The following RALY variants were observed in gnomAD, a reference collection of about 807,000 sequenced individuals.
RALY encodes RALY heterogeneous nuclear ribonucleoprotein, also known as RNA-binding protein Raly.
A neutral mutation model predicts 30.7 loss-of-function variants in RALY; 15 were observed. That is an observed-to-expected ratio of 0.49 (90% CI 0.33 to 0.75). RALY has a LOEUF of 0.75. RALY is among the 30% of genes least tolerant of loss of function. RALY has a pLI of 0.02. For synonymous variants in RALY, 177 were observed against 170.8 expected (o/e 1.04, Z -0.28); for missense variants, 339 against 414.3 (o/e 0.82, Z 1.58).
chr20:34,019,733 C>T (rs976524278), intron 1 of RALY, among the ~76,000 whole-genome samples: 1 of 152,180 alleles, frequency 6.6e-6, no homozygotes, highest in South Asian at 2.1e-4. Flanking sequence ...CATACACATA[C>T]AAATTATGTA....
intron 1 of RALY, among the ~76,000 whole-genome samples, chr20:34,027,838 C>G (rs777897863): frequency 2.0e-5 from 3 of 152,238 alleles, no homozygotes; most frequent in African/African-American, 4.8e-5. Context: ...TGCCCTTTTC[C>G]TCACCTGTTA....
chr20:34,032,063 A>G (rs538551474), intron 2 of RALY, among the ~76,000 whole-genome samples: 8 of 152,310 alleles, frequency 5.3e-5, no homozygotes, highest in Non-Finnish European at 8.8e-5. Context: ...CCCGGGTTCA[A>G]GCAATTCTCC....
At position 34,075,926 on chromosome 20, in the gene RALY, C is replaced by G. The variant is rs1165583958; in HGVS notation, c.430C>G (p.Pro144Ala). The G allele has an allele frequency of 6.2e-7, 1 of 1,614,168 alleles. No individual in the cohort carries two copies. Among genetic ancestry groups the G allele is most frequent in the African/African-American group, 1.3e-5 (1 of 75,050 alleles). Reference protein sequence around the residue: ...LSPVPVPRAVPVKRPRVTVPL... With the variant: ...LSPVPVPRAVAVKRPRVTVPL... ...GCCCGTGCCAGTGCCCAGGGCGGTC[C>G]CTGTGAAGCGACCCCGGGTCACAGT... Residue 144 changes from proline to alanine, a missense_variant, in exon 6 of 10, where the codon CCT (proline) becomes GCT (alanine). By Grantham distance (27) the Pro-to-Ala change is conservative (BLOSUM62 -1). Around this residue, in one of 2 missense-constraint regions of RALY, gnomAD observed 268 missense variants for 280.6 expected, o/e 0.95. Coordinates refer to ENST00000246194, the MANE Select transcript of RALY (RefSeq NM_016732.3).
chr20:34,063,932 T>C (rs1177183654), intron 2 of RALY, among the ~76,000 whole-genome samples: 7 of 152,022 alleles, frequency 4.6e-5, no homozygotes, highest in Admixed American at 4.6e-4. Context: ...GTGTGCCTTG[T>C]GGCCATGGTA....
chr20:34,007,035 G>A (rs906446793), intron 1 of RALY, among the ~76,000 whole-genome samples: 2 of 152,034 alleles, frequency 1.3e-5, no homozygotes, highest in Non-Finnish European at 2.9e-5. Context: ...GTAAGTTGTT[G>A]GTTAAGGACA....
chr20:34,028,267 C>T (rs1417758996), intron 1 of RALY, among the ~76,000 whole-genome samples: 1 of 146,860 alleles, frequency 6.8e-6, no homozygotes, highest in African/African-American at 2.5e-5. Flanking sequence ...GCCTGGGCAA[C>T]AGAGCAAGAC....
intron 1 of RALY, among the ~76,000 whole-genome samples, chr20:34,023,939 G>A (rs1417860223): frequency 2.0e-5 from 3 of 152,134 alleles, no homozygotes; most frequent in Non-Finnish European, 2.9e-5. Context: ...GGTGGCTCAC[G>A]CCTGTAATCC....
chr20:34,067,731 C>CA (rs2122261354), intron 2 of RALY, among the ~76,000 whole-genome samples: 1 of 152,064 alleles, frequency 6.6e-6, no homozygotes, highest in Admixed American at 6.5e-5. Flanking sequence ...TTTTATGCAG[C>CA]AATTGTTTCT....
intron 2 of RALY, among the ~76,000 whole-genome samples, chr20:34,059,774 C>T (rs1347838824): frequency 1.3e-5 from 2 of 152,198 alleles, no homozygotes; most frequent in African/African-American, 2.4e-5. Flanking sequence ...TGCACCCTTA[C>T]TCAGCCACAG....
chr20:34,033,562 C>T (rs759661315), intron 2 of RALY, among the ~76,000 whole-genome samples: 2 of 152,098 alleles, frequency 1.3e-5, no homozygotes, highest in Non-Finnish European at 2.9e-5. Flanking sequence ...ATGCCAGGCT[C>T]TTCTTAACAA....
Position 34,080,917 on chromosome 20 carries a change from C to G in RALY, c.*1012C>G, listed in dbSNP as rs1305343883. Reference sequence around the variant, plus strand: ...GTTTGGTAGCAAGGAATAGAGCGTACTCCAGTGACAGCAATCAGTAGGAAG... The same window carrying G: ...GTTTGGTAGCAAGGAATAGAGCGTAGTCCAGTGACAGCAATCAGTAGGAAG... On this transcript the variant is annotated 3_prime_UTR_variant, in exon 10 of 10. Transcript: ENST00000246194. 6.6e-6 allele frequency: 1 copy of G among 152,266 alleles called. No homozygotes were observed. Among genetic ancestry groups the G allele is most frequent in the Non-Finnish European group, 1.5e-5 (1 of 68,080 alleles). 9.4% of individuals were successfully genotyped at this position (152,266 alleles called of 1,614,324 possible). A position where few individuals can be genotyped will look rare whatever the true frequency, so the allele number is the denominator to read the frequency against.
chr20:34,040,913 A>T (rs997203254), intron 2 of RALY, among the ~76,000 whole-genome samples: 2 of 152,108 alleles, frequency 1.3e-5, no homozygotes, highest in African/African-American at 4.8e-5. Flanking sequence ...CGGCCCTTCC[A>T]GGAGGGTAGA....
intron 2 of RALY, among the ~76,000 whole-genome samples, chr20:34,045,156 C>A (rs2032836462): frequency 6.6e-6 from 1 of 152,146 alleles, no homozygotes. Context: ...AAGCGATCCT[C>A]CTGCCTCGGA....
intron 1 of RALY, among the ~76,000 whole-genome samples, chr20:33,994,869 C>G (rs1193182351): frequency 2.0e-5 from 3 of 152,162 alleles, no homozygotes; most frequent in African/African-American, 7.2e-5. Context: ...AGGAACTTCC[C>G]AAGCCTTATT....
chr20:34,012,546 TC>T (rs2031448442), intron 1 of RALY, among the ~76,000 whole-genome samples: 1 of 152,206 alleles, frequency 6.6e-6, no homozygotes, highest in African/African-American at 2.4e-5. Context: ...TTTGTTTTTT[TC>T]CTCACTGTTG....
chr20:34,007,396 C>CT (rs1170252591), intron 1 of RALY, among the ~76,000 whole-genome samples: 1 of 152,096 alleles, frequency 6.6e-6, no homozygotes, highest in African/African-American at 2.4e-5. Flanking sequence ...TGGCGGGCGC[C>CT]TGTAGTCCCA....
At position 34,073,841 on chromosome 20, in the gene RALY, T is replaced by C. The variant is rs370615615; in HGVS notation, c.352T>C (p.Tyr118His). 7 of 1,614,008 alleles carry C rather than the reference T, an allele frequency of 4.3e-6. No individual in the cohort carries two copies. The highest frequency in any genetic ancestry group is 5.1e-6 in the Non-Finnish European group (6 of 1,180,008). The change falls in exon 5 of 10, where the codon TAC becomes CAC. Residue 118 changes from tyrosine to histidine, a missense_variant. This residue lies in a region of RALY where 268 missense variants were observed against 280.6 expected (regional missense o/e 0.95). Transcript: ENST00000246194. ...CAGTGGCTACATCTTTGACTATGAT[T>C]ACTACCGGGACGACTTCTACGACAG... ...IYSGYIFDYD[Y>H]YRDDFYDRLF...
intron 2 of RALY, among the ~76,000 whole-genome samples, chr20:34,038,010 T>C (rs2032564477): frequency 6.6e-6 from 1 of 152,238 alleles, no homozygotes; most frequent in African/African-American, 2.4e-5. Flanking sequence ...CATATTTTAT[T>C]ACTTTGGTTC....
intron 3 of RALY, among the ~76,000 whole-genome samples, chr20:34,073,214 C>A (rs900301569): frequency 6.6e-6 from 1 of 151,668 alleles, no homozygotes; most frequent in African/African-American, 2.4e-5. Flanking sequence ...TCTGTGTATG[C>A]GTTCCCATGT....
Sources: allele counts gnomAD v4.1 joint callset (sites outside exome capture counted in the v4.1 genomes callset), GRCh38; gene constraint gnomAD v4.1.1; regional missense constraint gnomAD v4.1.1; transcripts MANE v1.5; gene names NCBI Gene and HGNC (gene_info 2026-07-23, HGNC 2026-07-21).